MAGI2: variants seen among roughly 807,000 people sequenced by gnomAD.
The protein encoded by MAGI2 is membrane associated guanylate kinase, WW and PDZ domain containing 2.
A neutral mutation model predicts 133.3 loss-of-function variants in MAGI2; 35 were observed. That is an observed-to-expected ratio of 0.26 (90% CI 0.20 to 0.35). The LOEUF (loss-of-function observed/expected upper bound fraction) is 0.35, where lower values mean the gene tolerates loss of function less well. Ranked by LOEUF, MAGI2 falls within the 10% of genes least tolerant of loss-of-function variation. The pLI is 1.00. For synonymous variants in MAGI2, 729 were observed against 710.6 expected (o/e 1.03, Z -0.41); for missense variants, 1,636 against 1,863.4 (o/e 0.88, Z 2.25).
At chr7:78,502,919 G>T (rs1243745386) in intron 4 of MAGI2, among the ~76,000 whole-genome samples, 1 of 152,180 alleles carries the variant, frequency 6.6e-6, no homozygotes, top group East Asian at 1.9e-4. Context: ...CCAGTCTGTA[G>T]ATTGAAATAG....
intron 2 of MAGI2, among the ~76,000 whole-genome samples, chr7:78,638,370 G>C (rs534712340): frequency 8.5e-5 from 13 of 152,142 alleles, no homozygotes; most frequent in African/African-American, 3.1e-4. Flanking sequence ...GGAAACAAAA[G>C]ATTTGTACCC....
chr7:78,203,656 A>G (rs1195753657), intron 10 of MAGI2, among the ~76,000 whole-genome samples: 1 of 152,222 alleles, frequency 6.6e-6, no homozygotes, highest in East Asian at 1.9e-4. Flanking sequence ...AATTATTGTT[A>G]AAAAGAAGTT....
intron 1 of MAGI2, among the ~76,000 whole-genome samples, chr7:79,028,332 T>TAC (rs1159498898): frequency 3.8e-5 from 1 of 26,296 alleles, no homozygotes; most frequent in Non-Finnish European, 1.1e-4. Flanking sequence ...TATATACATA[T>TAC]ATATACACAC....
chr7:78,320,456 G>C (rs1280039219), intron 9 of MAGI2, among the ~76,000 whole-genome samples: 2 of 152,160 alleles, frequency 1.3e-5, no homozygotes, highest in African/African-American at 2.4e-5. Flanking sequence ...AGGGATGCAA[G>C]ACTGGTTCAA....
At chr7:78,248,541 A>G (rs1792038278) in intron 10 of MAGI2, among the ~76,000 whole-genome samples, 1 of 152,198 alleles carries the variant, frequency 6.6e-6, no homozygotes, top group Admixed American at 6.5e-5. Context: ...ATTAACCTTA[A>G]GGACACACAG....
At chr7:78,207,491 T>G (rs181815584) in intron 10 of MAGI2, among the ~76,000 whole-genome samples, 1 of 152,324 alleles carries the variant, frequency 6.6e-6, no homozygotes, top group Non-Finnish European at 1.5e-5. Context: ...AGACCTAAGC[T>G]TTCCATCAAA....
chr7:78,477,792 C>G (rs1363937446), intron 6 of MAGI2, among the ~76,000 whole-genome samples: 2 of 151,764 alleles, frequency 1.3e-5, no homozygotes, highest in African/African-American at 4.8e-5. Context: ...AATTATATGA[C>G]AATTAAAATA....
intron 2 of MAGI2, chr7:78,771,428 C>G (rs1165755007): frequency 1.3e-5 from 2 of 152,204 alleles, no homozygotes; most frequent in African/African-American, 2.4e-5. Context: ...AATATACACA[C>G]AGGCACATTT....
intron 2 of MAGI2, among the ~76,000 whole-genome samples, chr7:78,754,964 C>G (rs570523480): frequency 6.6e-6 from 1 of 152,176 alleles, no homozygotes. Context: ...CTTTAGCATG[C>G]CTTTTTTCAC....
At chr7:79,344,656 A>G (rs1229588350) in intron 1 of MAGI2, among the ~76,000 whole-genome samples, 1 of 152,176 alleles carries the variant, frequency 6.6e-6, no homozygotes, top group Non-Finnish European at 1.5e-5. Flanking sequence ...TGTACATGCG[A>G]CAGTTGACAG....
chr7:79,290,921 C>T (rs530922946), intron 1 of MAGI2, among the ~76,000 whole-genome samples: 2 of 151,980 alleles, frequency 1.3e-5, no homozygotes, highest in Admixed American at 6.6e-5. Flanking sequence ...TTACTAATCG[C>T]GGGGATTTAA....
intron 3 of MAGI2, among the ~76,000 whole-genome samples, chr7:78,530,948 G>A (rs1468740044): frequency 6.6e-6 from 1 of 152,062 alleles, no homozygotes; most frequent in African/African-American, 2.4e-5. Context: ...GTCAACCACT[G>A]GAAGAACTTA....
At chr7:78,749,890 AT>A (rs35774792) in intron 2 of MAGI2, among the ~76,000 whole-genome samples, 3,309 of 152,046 alleles carry the variant, frequency 0.022, 55 homozygotes, top group Non-Finnish European at 0.033. Context: ...CATATTGAGA[AT>A]TTTTTTTCAT....
chr7:78,799,523 G>A (rs1360039349), intron 2 of MAGI2, among the ~76,000 whole-genome samples: 1 of 152,162 alleles, frequency 6.6e-6, no homozygotes, highest in Non-Finnish European at 1.5e-5. Flanking sequence ...TTCTAAGGAA[G>A]TGGTGAAAAC....
At position 78,244,495 on chromosome 7, in the gene MAGI2, A is replaced by G. The variant is rs116457586; in HGVS notation, c.2047+11448T>C. Among the ~76,000 whole-genome samples the G allele has an allele frequency of 6.4e-3, 973 of 152,316 alleles. 10 individuals carry two copies. The highest frequency in any genetic ancestry group is 0.022 in the African/African-American group (923 of 41,578). Reference sequence around the variant, plus strand: ...GAACTAGATAATTGCAAAGATGTATATTATATCTGCAAGGAATAGATAACT... The same window carrying G: ...GAACTAGATAATTGCAAAGATGTATGTTATATCTGCAAGGAATAGATAACT... On this transcript the variant is annotated intron_variant, in intron 10 of 21. Transcript: ENST00000354212.
At chr7:78,081,729 T>G (rs1365069850) in intron 20 of MAGI2, among the ~76,000 whole-genome samples, 1 of 152,074 alleles carries the variant, frequency 6.6e-6, no homozygotes. Context: ...CACTAAAAAG[T>G]TAAGCATGGG....
chr7:79,281,113 A>C (rs1835610049), intron 1 of MAGI2, among the ~76,000 whole-genome samples: 1 of 152,096 alleles, frequency 6.6e-6, no homozygotes, highest in Non-Finnish European at 1.5e-5. Flanking sequence ...AGCTGAAAGA[A>C]GATAACATGT....
At chr7:78,788,334 C>T (rs1827000270) in intron 2 of MAGI2, among the ~76,000 whole-genome samples, 1 of 152,150 alleles carries the variant, frequency 6.6e-6, no homozygotes, top group Non-Finnish European at 1.5e-5. Flanking sequence ...ATTCCAGATT[C>T]CCAGCTTTCC....
chr7:79,188,607 G>T (rs1827377953), intron 1 of MAGI2, among the ~76,000 whole-genome samples: 1 of 151,688 alleles, frequency 6.6e-6, no homozygotes. Context: ...CCCAATTCTT[G>T]ATTTGTTAAA....
Sources: allele counts gnomAD v4.1 joint callset (sites outside exome capture counted in the v4.1 genomes callset), GRCh38; gene constraint gnomAD v4.1.1; transcripts MANE v1.5; gene names NCBI Gene and HGNC (gene_info 2026-07-23, HGNC 2026-07-21).